Variants in TEX14 observed in about 807,000 individuals in gnomAD.
TEX14 encodes testis expressed 14, intercellular bridge forming factor.
Under a neutral mutation model 178.6 loss-of-function variants are expected in TEX14, and 168 were observed. The ratio of observed to expected loss-of-function variants is 0.94; its 90% CI spans 0.83 to 1.07. The LOEUF (loss-of-function observed/expected upper bound fraction) is 1.07, where lower values mean the gene tolerates loss of function less well. Ranked by LOEUF, TEX14 falls within the 50% of genes least tolerant of loss-of-function variation. TEX14 has a pLI of 0.00. For missense variants in TEX14, 1,730 were observed against 1,753.6 expected, an observed-to-expected ratio of 0.99 and a Z score of 0.24; for synonymous variants, 626 against 634.1, an observed-to-expected ratio of 0.99 and a Z score of 0.19.
At position 58,573,124 on chromosome 17, in the gene TEX14, A is replaced by G. The variant is rs528272097; in HGVS notation, c.3511+57T>C. ...GATACCACGGCTTGGCTTCCCAGAG[A>G]CAATGGGCTGGGGCTGTAAGTCCTT... On this transcript the variant is annotated intron_variant, in intron 23 of 31. Transcript: ENST00000349033. The G allele has an allele frequency of 3.1e-6, 5 of 1,596,610 alleles. No homozygotes were observed. The East Asian group carries it at 6.7e-5, about 22-fold the overall frequency.
In TEX14 at chr17:58,601,896, G is replaced by A. The variant is rs1212098629; in HGVS notation, c.1588C>T (p.Leu530Phe). Residue 530 changes from leucine to phenylalanine, a missense_variant, in exon 13 of 32, where the codon CTC becomes TTC. Leu to Phe is a conservative substitution (Grantham distance 22, BLOSUM62 0). Transcript: ENST00000349033. The stretch of plus-strand genomic sequence containing the variant: ...AGATAGACATTGACATCGGGATGGA[G>A]TCCGTATCTCTGCACTCTGGGGCTC... ...TESPRVQRYG[L>F]HPDVNVYLGL... is the part of the protein sequence containing the mutation. The A allele has an allele frequency of 6.2e-7, 1 of 1,613,412 alleles. No individual in the cohort carries two copies. Among genetic ancestry groups the A allele is most frequent in the Non-Finnish European group, 8.5e-7 (1 of 1,179,984 alleles).
intron 1 of TEX14, among the ~76,000 whole-genome samples, chr17:58,688,986 A>G (rs1763602628): frequency 6.6e-6 from 1 of 152,090 alleles, no homozygotes; most frequent in South Asian, 2.1e-4. Flanking sequence ...GCTGGAGTGC[A>G]GTGGCATGAT....
chr17:58,660,920 C>T, intron 1 of TEX14: 1 of 897,812 alleles, frequency 1.1e-6, no homozygotes, highest in Non-Finnish European at 1.9e-6. Flanking sequence ...GGATGCCTCT[C>T]TTGAAGAGTC....
At chr17:58,656,453 A>G (rs776975519) in intron 1 of TEX14, among the ~76,000 whole-genome samples, 12 of 151,450 alleles carry the variant, frequency 7.9e-5, no homozygotes, top group Non-Finnish European at 1.8e-4. Context: ...TCAAAAAAAC[A>G]AAACAAAACA....
chr17:58,656,946 A>G (rs1017806039), intron 1 of TEX14, among the ~76,000 whole-genome samples: 9 of 148,994 alleles, frequency 6.0e-5, no homozygotes, highest in South Asian at 4.2e-4. Flanking sequence ...AAAAAAAAAA[A>G]AAAGAAAAAG....
chr17:58,647,614 C>CAA (rs67832814), intron 2 of TEX14, among the ~76,000 whole-genome samples: 5 of 115,322 alleles, frequency 4.3e-5, no homozygotes, highest in East Asian at 2.3e-4. Flanking sequence ...TGAGGTCAGG[C>CAA]AAAAAAAAAA....
At chr17:58,581,514 A>G (rs1249652967) in intron 19 of TEX14, 2 of 1,359,286 alleles carry the variant, frequency 1.5e-6, no homozygotes, top group South Asian at 1.2e-5. Flanking sequence ...CCTGGTAGAC[A>G]TTACATACTT....
intron 2 of TEX14, among the ~76,000 whole-genome samples, chr17:58,648,980 G>A (rs1193850596): frequency 1.3e-5 from 2 of 150,042 alleles, no homozygotes; most frequent in African/African-American, 4.9e-5. Context: ...TAGTAGAGAC[G>A]GGGTTTCACC....
chr17:58,670,985 A>G (rs1269872429), intron 1 of TEX14, among the ~76,000 whole-genome samples: 1 of 152,118 alleles, frequency 6.6e-6, no homozygotes, highest in Non-Finnish European at 1.5e-5. Flanking sequence ...GACACTGATT[A>G]CCATTACATG....
intron 1 of TEX14, among the ~76,000 whole-genome samples, chr17:58,679,860 G>A (rs2047471450): frequency 6.6e-6 from 1 of 152,024 alleles, no homozygotes; most frequent in African/African-American, 2.4e-5. Flanking sequence ...AAAATCTTAA[G>A]AAATATAAGC....
chr17:58,684,291 A>C (rs567594276), intron 1 of TEX14, among the ~76,000 whole-genome samples: 2 of 151,670 alleles, frequency 1.3e-5, no homozygotes, highest in Non-Finnish European at 2.9e-5. Flanking sequence ...ATGAAACCCC[A>C]TCTCTACTAA....
In TEX14 at chr17:58,599,283, ACT is replaced by A; in HGVS notation, c.2060_2061del (p.Glu687ValfsTer4). On this transcript the variant is annotated frameshift_variant, in exon 14 of 32. Coordinates refer to ENST00000349033, the MANE Select transcript of TEX14 (RefSeq NM_031272.5). LOFTEE classifies it high-confidence loss of function. ...EDESSSKAETEYSFDDWDWQN... is the reference protein window; with the variant it reads ...EDESSSKAETXYSFDDWDWQN... ...TGCCAGTCCCAGTCATCAAAAGAGT[ACT>A]CTGTCTCAGCTTTTGAAGAGCTCTC... The A allele has an allele frequency of 1.9e-6, 3 of 1,613,318 alleles. No homozygotes were observed. Among genetic ancestry groups the A allele is most frequent in the Non-Finnish European group, 8.5e-7 (1 of 1,180,008 alleles).
intron 9 of TEX14, 67 bp downstream of exon 9, chr17:58,613,354 G>A: frequency 6.3e-7 from 1 of 1,598,744 alleles, no homozygotes; most frequent in Non-Finnish European, 8.6e-7. Context: ...CACAGCTGGG[G>A]CAAGAGGGTG....
At position 58,621,639 on chromosome 17, in the gene TEX14, G is replaced by A. The variant is rs367940435; in HGVS notation, c.554+11C>T. 2.5e-5 allele frequency: 41 copies of A among 1,610,346 alleles called. No homozygotes were observed. Among genetic ancestry groups the A allele is most frequent in the Non-Finnish European group, 3.0e-5 (35 of 1,178,332 alleles). On this transcript the variant is annotated intron_variant, in intron 5 of 31. Coordinates refer to ENST00000349033, the MANE Select transcript of TEX14 (RefSeq NM_031272.5). Reference sequence around the variant, plus strand: ...TGGAGACTATCCCACTCTGCTCAAGGCAGTACTCACCCCTGCACGAGGCCC... The same window carrying A: ...TGGAGACTATCCCACTCTGCTCAAGACAGTACTCACCCCTGCACGAGGCCC...
chr17:58,584,263 C>T (rs2044896750), intron 19 of TEX14, among the ~76,000 whole-genome samples: 1 of 152,204 alleles, frequency 6.6e-6, no homozygotes, highest in African/African-American at 2.4e-5. Context: ...GAATCTGACA[C>T]TTTTCTGTAC....
intron 26 of TEX14, among the ~76,000 whole-genome samples, chr17:58,567,348 G>A (rs972923103): frequency 6.6e-6 from 1 of 152,094 alleles, no homozygotes; most frequent in Non-Finnish European, 1.5e-5. Context: ...CTTCTGTGCT[G>A]GTGCAGGTCT....
Position 58,617,477 on chromosome 17 carries a change from T to C in TEX14, c.636+61A>G, listed in dbSNP as rs796822829. The C allele has an allele frequency of 4.7e-6, 6 of 1,269,652 alleles. No homozygotes were observed. The African/African-American group carries it at 8.8e-5, about 19-fold the overall frequency. 78.6% of individuals were successfully genotyped at this position (1,269,652 alleles called of 1,614,324 possible). ...GCAGGAGTTGGACAAAGGTGGGAGA[T>C]GGGGCCCGATGATTCTCCAGTTAGT... On this transcript the variant is annotated intron_variant, in intron 6 of 31. Coordinates refer to ENST00000349033, the MANE Select transcript of TEX14 (RefSeq NM_031272.5).
intron 2 of TEX14, among the ~76,000 whole-genome samples, chr17:58,648,786 C>CTTTTTTT (rs34918333): frequency 8.9e-5 from 8 of 89,720 alleles, no homozygotes; most frequent in Non-Finnish European, 1.7e-4. Flanking sequence ...CTTTTTTTTT[C>CTTTTTTT]TTTTTTTTTT....
chr17:58,618,009 C>T (rs990160482), intron 5 of TEX14, among the ~76,000 whole-genome samples: 3 of 152,204 alleles, frequency 2.0e-5, no homozygotes, highest in Non-Finnish European at 4.4e-5. Flanking sequence ...AGGCTCAATG[C>T]CCAGCACCAA....
Sources: gnomAD v4.1 joint callset for allele counts (sites outside exome capture counted in the v4.1 genomes callset) on GRCh38, gnomAD v4.1.1 for gene constraint, MANE v1.5 for transcripts, NCBI Gene and HGNC (gene_info 2026-07-23, HGNC 2026-07-21) for gene names.